PARP4: variants seen among roughly 807,000 people sequenced by gnomAD.
PARP4 encodes protein mono-ADP-ribosyltransferase PARP4.
Under a neutral mutation model 187.7 loss-of-function variants are expected in PARP4, and 120 were observed. That is an observed-to-expected ratio of 0.64 (90% CI 0.55 to 0.74). PARP4 has a LOEUF of 0.74. PARP4 is among the 30% of genes least tolerant of loss of function. The probability of loss-of-function intolerance (pLI) is 0.00; values close to 1 mark genes in which losing one functional copy is unlikely to be tolerated. For missense variants in PARP4, 1,836 were observed against 2,070.5 expected, an observed-to-expected ratio of 0.89 and a Z score of 2.20; for synonymous variants, 654 against 740.9, an observed-to-expected ratio of 0.88 and a Z score of 1.90.
At chr13:24,437,593 CT>C (rs35249632) in intron 30 of PARP4, among the ~76,000 whole-genome samples, 60,001 of 151,580 alleles carry the variant, frequency 0.4, 12,080 homozygotes, top group African/African-American at 0.46. Flanking sequence ...ATACATAGGG[CT>C]GTAAGAATAT....
At chr13:24,447,285 T>G in intron 25 of PARP4, 99 bp from the exon 26 acceptor site, 1 of 696,860 alleles carries the variant, frequency 1.4e-6, no homozygotes, top group Non-Finnish European at 2.0e-6. Context: ...TTTGGGAATT[T>G]TATAACTCTG....
At chr13:24,497,725 T>C (rs1400282311) in intron 6 of PARP4, among the ~76,000 whole-genome samples, 1 of 152,196 alleles carries the variant, frequency 6.6e-6, no homozygotes, top group Non-Finnish European at 1.5e-5. Context: ...AGACAGAGCC[T>C]TTCAAGAGGT....
At chr13:24,503,518 C>G in intron 2 of PARP4, 127 bp downstream of exon 2, 1 of 1,145,864 alleles carries the variant, frequency 8.7e-7, no homozygotes, top group African/African-American at 1.5e-5. Flanking sequence ...TCAGTCTCTC[C>G]TGATGAACTT....
rs1869708259 is a variant in PARP4 at position 24,420,933 on chromosome 13, T to C, written c.*186A>G. 4.7e-6 allele frequency: 3 copies of C among 643,230 alleles called. No homozygotes were observed. Among genetic ancestry groups the C allele is most frequent in the Non-Finnish European group, 6.8e-6 (3 of 438,244 alleles). 39.8% of individuals were successfully genotyped at this position (643,230 alleles called of 1,614,324 possible). A position where few individuals can be genotyped will look rare whatever the true frequency, so the allele number is the denominator to read the frequency against. Reference sequence around the variant, plus strand: ...AAATGAGACACAGAAAACTGAAATATTTTAAGTTTCATTTTATTATTGCTT... The same window carrying C: ...AAATGAGACACAGAAAACTGAAATACTTTAAGTTTCATTTTATTATTGCTT... On this transcript the variant is annotated 3_prime_UTR_variant, in exon 34 of 34. Transcript: ENST00000381989.
At chr13:24,471,227 C>G (rs574473452) in intron 15 of PARP4, among the ~76,000 whole-genome samples, 3 of 152,300 alleles carry the variant, frequency 2.0e-5, no homozygotes, top group African/African-American at 7.2e-5. Flanking sequence ...TATGCTTGCC[C>G]TGAGTTTGAT....
At chr13:24,434,177 C>G (rs984793826) in intron 31 of PARP4, among the ~76,000 whole-genome samples, 1 of 152,196 alleles carries the variant, frequency 6.6e-6, no homozygotes, top group African/African-American at 2.4e-5. Context: ...TAGAGAAACA[C>G]CAGCCAGCAT....
chr13:24,493,234 T>G (rs114909896), intron 8 of PARP4, among the ~76,000 whole-genome samples: 135 of 152,124 alleles, frequency 8.9e-4, no homozygotes, highest in African/African-American at 3.2e-3. Flanking sequence ...GACTGTGGAG[T>G]CACTAGGAAA....
intron 12 of PARP4, among the ~76,000 whole-genome samples, chr13:24,484,199 CTG>C (rs2137520475): frequency 6.6e-6 from 1 of 152,208 alleles, no homozygotes; most frequent in South Asian, 2.1e-4. Context: ...GTTCTTCTCA[CTG>C]TGTTGCCCAA....
rs372939384 is a variant in PARP4 at position 24,455,642 on chromosome 13, G to C, written c.2563-430C>G. ...TTTTTTTTTTTTTTTTTTTGAGACA[G>C]GGTCTCCCTCTGTTGTCCAGGCTGG... is the stretch of plus-strand genomic sequence containing the variant. On this transcript the variant is annotated intron_variant, in intron 21 of 33. Coordinates refer to ENST00000381989, the MANE Select transcript of PARP4 (RefSeq NM_006437.4). Among the ~76,000 whole-genome samples, 356 of 125,422 alleles carry C rather than the reference G, an allele frequency of 2.8e-3. 5 individuals are homozygous for C. Among genetic ancestry groups the C allele is most frequent in the African/African-American group, 0.01 (338 of 32,606 alleles). The allele number at this position is 125,422 out of a possible 152,430, so 82.3% of individuals were successfully genotyped here. A position where few individuals can be genotyped will look rare whatever the true frequency, so the allele number is the denominator to read the frequency against.
rs79836043 is a variant in PARP4 at position 24,426,544 on chromosome 13, T to C, written c.4901A>G (p.Gln1634Arg). ...TTTTTCCAACCTGGTGCGAATAAAC[T>C]GTAGTACCAGCATTGTGGCAATTAG... The part of the protein sequence containing the change: ...LDLIATMLVL[Q>R]FIRTRLEKEG... The change falls in exon 33 of 34, where the codon CAG (glutamine) becomes CGG (arginine). Residue 1634 changes from glutamine (Q) to arginine (R), a missense_variant. Gln to Arg is a conservative substitution (Grantham distance 43). Around this residue, in one of 8 missense-constraint regions of PARP4, gnomAD observed 45 missense variants for 53.1 expected, o/e 0.85. Transcript: ENST00000381989. 1 of 1,611,534 alleles carries C rather than the reference T, an allele frequency of 6.2e-7. No homozygotes were observed. The highest frequency in any genetic ancestry group is 8.5e-7 in the Non-Finnish European group (1 of 1,178,220).
intron 5 of PARP4, 57 bp from the exon 6 acceptor site, chr13:24,498,286 G>A: frequency 4.0e-6 from 4 of 999,576 alleles, no homozygotes; most frequent in Admixed American, 1.8e-5. Context: ...AACTACATGT[G>A]CCATTTGAAA....
intron 15 of PARP4, among the ~76,000 whole-genome samples, chr13:24,472,914 G>C (rs1350800292): frequency 4.1e-5 from 2 of 48,440 alleles, no homozygotes; most frequent in African/African-American, 1.7e-4. Context: ...TTTTTTTTTT[G>C]AGACAGGGTC....
chr13:24,455,125 A>C lies in PARP4; in HGVS notation c.2650T>G (p.Ser884Ala), dbSNP rs770291012. 19 of 1,613,300 alleles carry C rather than the reference A, an allele frequency of 1.2e-5. No homozygotes were observed. The highest frequency in any genetic ancestry group is 2.7e-5 in the African/African-American group (2 of 74,916). ...AATGTCACACCCTCCATGGAACTGG[A>C]GCAGTCAAGACAAATAATCACTTCG... ...ESEVIICLDC[S>A]SSMEGVTFLQ... Residue 884 changes from serine to alanine, a missense_variant, in exon 22 of 34, where the codon TCC becomes GCC. Physicochemically the swap from Ser to Ala is moderately conservative, Grantham distance 99. Around this residue, in one of 8 missense-constraint regions of PARP4, gnomAD observed 1,147 missense variants for 1,214.2 expected, o/e 0.94. Coordinates refer to ENST00000381989, the MANE Select transcript of PARP4 (RefSeq NM_006437.4).
At chr13:24,472,417 A>G (rs575189676) in intron 15 of PARP4, among the ~76,000 whole-genome samples, 2 of 152,280 alleles carry the variant, frequency 1.3e-5, no homozygotes, top group East Asian at 3.9e-4. Context: ...CTATATCCAA[A>G]CTGCTCTTCT....
At chr13:24,507,104 C>T (rs965325303) in intron 1 of PARP4, among the ~76,000 whole-genome samples, 4 of 152,336 alleles carry the variant, frequency 2.6e-5, no homozygotes, top group African/African-American at 7.2e-5. Flanking sequence ...GCTCAGAGTG[C>T]GGGGACCGCC....
chr13:24,456,206 G>T, intron 21 of PARP4, 135 bp downstream of exon 21: 1 of 643,136 alleles, frequency 1.6e-6, no homozygotes, highest in Non-Finnish European at 2.6e-6. Context: ...ATTTTTAGTT[G>T]CAGAATCTTG....
At chr13:24,483,063 C>G (rs1327340451) in intron 12 of PARP4, among the ~76,000 whole-genome samples, 2 of 151,872 alleles carry the variant, frequency 1.3e-5, no homozygotes, top group Admixed American at 6.6e-5. Context: ...CTTTGTCTCC[C>G]AAGCTGGATG....
At chr13:24,492,971 G>C (rs1868742053) in intron 8 of PARP4, among the ~76,000 whole-genome samples, 1 of 152,188 alleles carries the variant, frequency 6.6e-6, no homozygotes, top group South Asian at 2.1e-4. Context: ...CCTCCTGAAT[G>C]TGTTTCTAAT....
intron 6 of PARP4, 91 bp from the exon 7 acceptor site, chr13:24,494,813 A>C: frequency 1.3e-6 from 1 of 769,106 alleles, no homozygotes; most frequent in Non-Finnish European, 2.1e-6. Context: ...CTTGACATGA[A>C]GAAGCTTAGA....
Sources: allele counts gnomAD v4.1 joint callset (sites outside exome capture counted in the v4.1 genomes callset), GRCh38; gene constraint gnomAD v4.1.1; regional missense constraint gnomAD v4.1.1; transcripts MANE v1.5; gene names NCBI Gene and HGNC (gene_info 2026-07-23, HGNC 2026-07-21).